TAF2: variants seen among roughly 807,000 people sequenced by gnomAD.
The protein encoded by TAF2 is TATA-box binding protein associated factor 2.
A neutral mutation model predicts 138.5 loss-of-function variants in TAF2; 61 were observed. The ratio of observed to expected loss-of-function variants is 0.44; its 90% CI spans 0.36 to 0.54. The LOEUF (loss-of-function observed/expected upper bound fraction) is 0.54. Among genes scored for constraint, TAF2 ranks in the 20% least tolerant of loss-of-function variants. TAF2 has a pLI of 0.00. For synonymous variants in TAF2, 475 were observed against 469.9 expected (o/e 1.01, Z -0.14); for missense variants, 1,090 against 1,427.9 (o/e 0.76, Z 3.81).
Position 119,816,300 on chromosome 8 carries a change from G to T in TAF2, c.299+3046C>A, listed in dbSNP as rs1196357627. Among the ~76,000 whole-genome samples the T allele has an allele frequency of 2.6e-5, 4 of 151,244 alleles. No individual in the cohort carries two copies. In the East Asian group the frequency reaches 7.8e-4, roughly 30 times the overall value. On this transcript the variant is annotated intron_variant, in intron 3 of 25. Coordinates refer to ENST00000378164, the MANE Select transcript of TAF2 (RefSeq NM_003184.4). ...TCTCGATCTCCTGACCTCATGATCTGCCCGCCTCGGCCTCCCAGAGTGCTG... is the reference window on the plus strand; with the variant it reads ...TCTCGATCTCCTGACCTCATGATCTTCCCGCCTCGGCCTCCCAGAGTGCTG...
At chr8:119,810,240 A>G (rs1293193037) in intron 3 of TAF2, among the ~76,000 whole-genome samples, 3 of 152,162 alleles carry the variant, frequency 2.0e-5, no homozygotes, top group Non-Finnish European at 4.4e-5. Context: ...TGTTAAATAA[A>G]TGGAATCACA....
chr8:119,776,169 T>C (rs1249604386), intron 18 of TAF2, among the ~76,000 whole-genome samples: 1 of 152,114 alleles, frequency 6.6e-6, no homozygotes, highest in Non-Finnish European at 1.5e-5. Flanking sequence ...ATAGAGCCTA[T>C]CAGAGATGAA....
rs973359863 is a variant in TAF2 at position 119,819,046 on chromosome 8, G to T, written c.299+300C>A. On this transcript the variant is annotated intron_variant, in intron 3 of 25. Transcript: ENST00000378164. Reference sequence around the variant, plus strand: ...ACTGAAAATTACTTTCAAAATTTATGAAGTAAATAATTAAGAAAAACACTG... The same window carrying T: ...ACTGAAAATTACTTTCAAAATTTATTAAGTAAATAATTAAGAAAAACACTG... Among the ~76,000 whole-genome samples, 3 of 151,998 alleles carry T rather than the reference G, an allele frequency of 2.0e-5. No individual in the cohort carries two copies. The South Asian group carries it at 6.2e-4, about 32-fold the overall frequency.
chr8:119,766,617 C>G (rs1821437547), intron 18 of TAF2, among the ~76,000 whole-genome samples: 1 of 152,128 alleles, frequency 6.6e-6, no homozygotes, highest in Non-Finnish European at 1.5e-5. Context: ...CAGTGAAACC[C>G]TGTCTCCACT....
chr8:119,750,714 ATGTTAATATCAAAAC>A (rs999731955), intron 22 of TAF2, among the ~76,000 whole-genome samples: 4 of 152,158 alleles, frequency 2.6e-5, no homozygotes, highest in Non-Finnish European at 4.4e-5. Context: ...AAACCTTCTG[ATGTTAATATCAAAAC>A]TGTTTATTTT....
intron 22 of TAF2, among the ~76,000 whole-genome samples, chr8:119,747,955 C>A (rs1820094117): frequency 6.6e-6 from 1 of 152,130 alleles, no homozygotes; most frequent in African/African-American, 2.4e-5. Flanking sequence ...GAAGCCCACT[C>A]TCTACTAAAA....
chr8:119,732,937 G>A (rs1818979937), intron 25 of TAF2, among the ~76,000 whole-genome samples: 1 of 152,076 alleles, frequency 6.6e-6, no homozygotes, highest in South Asian at 2.1e-4. Flanking sequence ...GAACAACATG[G>A]GTTTGAACTG....
Position 119,801,959 on chromosome 8 carries a change from A to G in TAF2, c.627T>C (p.Asp209=). 3.1e-6 allele frequency: 5 copies of G among 1,614,214 alleles called. 1 individual carries two copies. The highest frequency in any genetic ancestry group is 2.2e-5 in the South Asian group (2 of 91,084). Residue 209 remains aspartate, a synonymous_variant, in exon 6 of 26, where the codon GAT becomes GAC. Coordinates refer to ENST00000378164, the MANE Select transcript of TAF2 (RefSeq NM_003184.4). ...LCTWKLEFTV[D]AAMVAVSNGD... The stretch of plus-strand genomic sequence containing the variant: ...CATTAGAAACAGCAACCATTGCAGC[A>G]TCTACTGTAAATTCTAATTTCCATG...
intron 3 of TAF2, among the ~76,000 whole-genome samples, chr8:119,816,081 T>C (rs1474145237): frequency 1.3e-5 from 2 of 149,772 alleles, no homozygotes; most frequent in Non-Finnish European, 3.0e-5. Context: ...GACGGAGTCT[T>C]ACTTTGTCGC....
In TAF2 at chr8:119,823,583, T is replaced by A. The variant is rs1050586006; in HGVS notation, c.139-4077A>T. Reference sequence around the variant, plus strand: ...GCCACGTGGAACTGTAAGATCCCCATTAAACCTCTTTCCTTTGTAAACTGC... The same window carrying A: ...GCCACGTGGAACTGTAAGATCCCCAATAAACCTCTTTCCTTTGTAAACTGC... On this transcript the variant is annotated intron_variant, in intron 2 of 25. Transcript: ENST00000378164. Among the ~76,000 whole-genome samples the A allele has an allele frequency of 2.6e-5, 4 of 152,206 alleles. No individual in the cohort carries two copies. The South Asian group carries it at 8.3e-4, about 31-fold the overall frequency.
intron 11 of TAF2, among the ~76,000 whole-genome samples, chr8:119,790,134 T>C (rs1216483061): frequency 1.3e-5 from 2 of 152,144 alleles, no homozygotes; most frequent in Admixed American, 6.5e-5. Flanking sequence ...TCTTTTAACA[T>C]TTCTGTTCTT....
intron 22 of TAF2, among the ~76,000 whole-genome samples, chr8:119,754,501 G>A (rs1820567248): frequency 1.3e-5 from 2 of 151,972 alleles, no homozygotes; most frequent in African/African-American, 2.4e-5. Context: ...TGGCCAACAT[G>A]GTGAAACCCC....
At chr8:119,762,765 T>C (rs1821155121) in intron 18 of TAF2, 157 bp from the exon 19 acceptor site, 1 of 610,386 alleles carries the variant, frequency 1.6e-6, no homozygotes, top group Non-Finnish European at 2.8e-6. Context: ...CCTTTGCATG[T>C]GGTCACTCTG....
intron 18 of TAF2, chr8:119,767,019 A>C (rs1287736728): frequency 6.6e-6 from 1 of 152,156 alleles, no homozygotes; most frequent in Non-Finnish European, 1.5e-5. Context: ...ATATCTTCTG[A>C]TTCTGTAAGC....
At chr8:119,804,123 G>C (rs1824452724) in intron 4 of TAF2, 104 bp from the exon 5 acceptor site, 1 of 1,381,070 alleles carries the variant, frequency 7.2e-7, no homozygotes, top group Non-Finnish European at 1.0e-6. Context: ...TGAGGACTGA[G>C]ATTTATATGA....
chr8:119,752,681 GAA>G (rs35048457), intron 22 of TAF2, among the ~76,000 whole-genome samples: 1 of 152,086 alleles, frequency 6.6e-6, no homozygotes, highest in Non-Finnish European at 1.5e-5. Flanking sequence ...CTCTCTCGTT[GAA>G]AAGTTTGATT....
intron 25 of TAF2, among the ~76,000 whole-genome samples, chr8:119,740,362 TA>T (rs2130987491): frequency 6.6e-6 from 1 of 151,658 alleles, no homozygotes; most frequent in South Asian, 2.1e-4. Context: ...ACTTAACAAA[TA>T]AAACAATGTC....
At chr8:119,755,690 A>T (rs570779470) in intron 22 of TAF2, among the ~76,000 whole-genome samples, 1 of 152,250 alleles carries the variant, frequency 6.6e-6, no homozygotes, top group East Asian at 1.9e-4. Flanking sequence ...AAGACGTGAG[A>T]CTTACTTTTC....
Position 119,732,166 on chromosome 8 carries a change from C to T in TAF2, c.3358G>A (p.Glu1120Lys), listed in dbSNP as rs765887427. ...KGTGKEQAPL[E>K]MSMHPAASAP... Reference sequence around the variant, plus strand: ...CTTGCCGCTGGATGCATACTCATCTCCAAAGGTGCTTGTTCTTTACCTTCA... The same window carrying T: ...CTTGCCGCTGGATGCATACTCATCTTCAAAGGTGCTTGTTCTTTACCTTCA... Residue 1120 changes from glutamate to lysine, a missense_variant, in exon 26 of 26, where the codon GAG becomes AAG. Glu to Lys is a moderately conservative substitution (Grantham distance 56). Coordinates refer to ENST00000378164, the MANE Select transcript of TAF2 (RefSeq NM_003184.4). 1 of 1,614,088 alleles carries T rather than the reference C, an allele frequency of 6.2e-7. No homozygotes were observed. The highest frequency in any genetic ancestry group is 8.5e-7 in the Non-Finnish European group (1 of 1,180,018).
Sources: allele counts gnomAD v4.1 joint callset (sites outside exome capture counted in the v4.1 genomes callset), GRCh38; gene constraint gnomAD v4.1.1; transcripts MANE v1.5; gene names NCBI Gene and HGNC (gene_info 2026-07-23, HGNC 2026-07-21).